The following PHLPP1 variants were observed in gnomAD, a reference collection of about 807,000 sequenced individuals.
PHLPP1 encodes the protein PH domain and leucine rich repeat protein phosphatase 1.
PHLPP1 carries 42 observed loss-of-function variants against 117.2 expected under a neutral mutation model. That is an observed-to-expected ratio of 0.36 (90% CI 0.28 to 0.46). The LOEUF is 0.46. Ranked by LOEUF, PHLPP1 falls within the 20% of genes least tolerant of loss-of-function variation. The probability of loss-of-function intolerance (pLI) is 1.00; values close to 1 mark genes in which losing one functional copy is unlikely to be tolerated. For synonymous variants in PHLPP1, 1,042 were observed against 970.7 expected (o/e 1.07, Z -1.37); for missense variants, 2,084 against 2,241.9 (o/e 0.93, Z 1.42).
intron 3 of PHLPP1, among the ~76,000 whole-genome samples, chr18:62,849,485 A>G (rs1053926959): frequency 1.6e-4 from 25 of 151,666 alleles, no homozygotes; most frequent in Non-Finnish European, 2.8e-4. Context: ...ACATGGTGAA[A>G]CCCCATCTCT....
chr18:62,828,991 G>T (rs1256739656), intron 1 of PHLPP1, among the ~76,000 whole-genome samples: 1 of 152,152 alleles, frequency 6.6e-6, no homozygotes, highest in Non-Finnish European at 1.5e-5. Context: ...AATCACAGTA[G>T]TTCTCCCATT....
chr18:62,932,709 A>T (rs895615688), intron 10 of PHLPP1, among the ~76,000 whole-genome samples: 1 of 152,206 alleles, frequency 6.6e-6, no homozygotes, highest in Non-Finnish European at 1.5e-5. Flanking sequence ...CTGGAACAAG[A>T]CAAGTATGCC....
At position 62,716,767 on chromosome 18, in the gene PHLPP1, C is replaced by G; in HGVS notation, c.1084C>G (p.Arg362Gly). ...TCCCAGCGCCGAGAGCGTGTCTGAC[C>G]GGTTGGACCCCTACAGCAGCGGCGG... Reference protein sequence around the residue: ...LSPSAESVSDRLDPYSSGGGS... With the variant: ...LSPSAESVSDGLDPYSSGGGS... The change falls in exon 1 of 17, where the codon CGG (arginine) becomes GGG (glycine). Residue 362 changes from arginine to glycine, a missense_variant. Around this residue, in one of 2 missense-constraint regions of PHLPP1, gnomAD observed 719 missense variants for 636.0 expected, o/e 1.13. Coordinates refer to ENST00000262719, the MANE Select transcript of PHLPP1 (RefSeq NM_194449.4). The surrounding 1 kb of genome is among the most constrained non-coding windows in gnomAD (Gnocchi z 5.7). The G allele has an allele frequency of 6.6e-7, 1 of 1,524,052 alleles. No homozygotes were observed. The allele number at this position is 1,524,052 out of a possible 1,614,324, so 94.4% of individuals were successfully genotyped here.
chr18:62,741,805 CAG>C (rs1375273253), intron 1 of PHLPP1, among the ~76,000 whole-genome samples: 1 of 151,118 alleles, frequency 6.6e-6, no homozygotes, highest in East Asian at 1.9e-4. Context: ...AATAGGGAAA[CAG>C]TGTGTTTGAA....
intron 1 of PHLPP1, among the ~76,000 whole-genome samples, chr18:62,729,029 A>G (rs1402672966): frequency 6.6e-6 from 1 of 152,124 alleles, no homozygotes; most frequent in African/African-American, 2.4e-5. Flanking sequence ...AATCGTACCC[A>G]TGGTACGTTA....
At chr18:62,804,010 A>C (rs1229708470) in intron 1 of PHLPP1, among the ~76,000 whole-genome samples, 2 of 152,306 alleles carry the variant, frequency 1.3e-5, no homozygotes, top group East Asian at 3.9e-4. Context: ...ACTGCTATAA[A>C]GAACTGCCTG....
intron 1 of PHLPP1, among the ~76,000 whole-genome samples, chr18:62,743,601 A>G (rs147352941): frequency 8.7e-4 from 133 of 152,148 alleles, no homozygotes; most frequent in African/African-American, 2.5e-3. Context: ...ACTAATTCCT[A>G]TTTTTCAGCA....
intron 1 of PHLPP1, among the ~76,000 whole-genome samples, chr18:62,789,308 G>A (rs187418476): frequency 2.0e-5 from 3 of 150,970 alleles, no homozygotes; most frequent in East Asian, 2.0e-4. Flanking sequence ...TAAAAGAATC[G>A]TTGCTTGAAA....
chr18:62,795,165 C>T (rs4941154), intron 1 of PHLPP1, among the ~76,000 whole-genome samples: 9,429 of 152,074 alleles, frequency 0.062, 506 homozygotes, highest in East Asian at 0.18. Flanking sequence ...TTACAACCCT[C>T]TAAATTTTTT....
chr18:62,969,812 G>T (rs1032958590), intron 14 of PHLPP1, among the ~76,000 whole-genome samples: 3 of 152,066 alleles, frequency 2.0e-5, no homozygotes, highest in Non-Finnish European at 2.9e-5. Context: ...TGTTAGCATG[G>T]TATACCTTTT....
chr18:62,938,994 C>CTTTCTTTCTTTCTTT (rs368316862), intron 10 of PHLPP1, among the ~76,000 whole-genome samples: 2 of 128,680 alleles, frequency 1.6e-5, no homozygotes, highest in African/African-American at 5.9e-5. Flanking sequence ...TTCTTTCTTT[C>CTTTCTTTCTTTCTTT]TTTTTTTTTT....
At chr18:62,922,650 G>A (rs1419016522) in intron 10 of PHLPP1, among the ~76,000 whole-genome samples, 1 of 152,188 alleles carries the variant, frequency 6.6e-6, no homozygotes, top group Non-Finnish European at 1.5e-5. Context: ...TTAGGAGCCT[G>A]AATGAAATAA....
intron 3 of PHLPP1, among the ~76,000 whole-genome samples, chr18:62,846,701 G>A (rs1045457980): frequency 2.0e-5 from 3 of 152,128 alleles, no homozygotes; most frequent in African/African-American, 7.2e-5. Flanking sequence ...TTACATTATG[G>A]AATCTTTGTT....
intron 4 of PHLPP1, among the ~76,000 whole-genome samples, chr18:62,865,466 A>G (rs1226035828): frequency 6.6e-6 from 1 of 152,186 alleles, no homozygotes; most frequent in Non-Finnish European, 1.5e-5. Flanking sequence ...ACTATCATCA[A>G]TCAGTGTGTT....
At chr18:62,808,299 T>G (rs147469897) in intron 1 of PHLPP1, among the ~76,000 whole-genome samples, 14 of 152,174 alleles carry the variant, frequency 9.2e-5, no homozygotes, top group African/African-American at 3.1e-4. Context: ...TGAAGAAGAC[T>G]GGGCTGGAGA....
At chr18:62,725,079 C>A (rs1428542447) in intron 1 of PHLPP1, among the ~76,000 whole-genome samples, 1 of 152,110 alleles carries the variant, frequency 6.6e-6, no homozygotes, top group Non-Finnish European at 1.5e-5. Context: ...TGTGTGTTGG[C>A]TGTGTGCGGT....
chr18:62,715,814 C>T lies in PHLPP1; in HGVS notation c.131C>T (p.Ala44Val). 1.3e-6 allele frequency: 1 copy of T among 746,102 alleles called. No individual in the cohort carries two copies. Among genetic ancestry groups the T allele is most frequent in the Non-Finnish European group, 1.6e-6 (1 of 607,718 alleles). 46.2% of individuals were successfully genotyped at this position (746,102 alleles called of 1,614,324 possible). A position where few individuals can be genotyped will look rare whatever the true frequency, so the allele number is the denominator to read the frequency against. The change falls in exon 1 of 17, where the codon GCG (alanine) becomes GTG (valine). Residue 44 changes from alanine (A) to valine (V), a missense_variant. Coordinates refer to ENST00000262719, the MANE Select transcript of PHLPP1 (RefSeq NM_194449.4). ...GCGGCCGCGGCGGCTCTGGCGGCGG[C>T]GGCCGGGGGCGGCCGGAGTCCGGAG... ...AAAAAAALAA[A>V]AGGGRSPEPA...
At chr18:62,963,911 T>TC (rs1910835091) in intron 14 of PHLPP1, among the ~76,000 whole-genome samples, 1 of 152,224 alleles carries the variant, frequency 6.6e-6, no homozygotes, top group East Asian at 1.9e-4. Context: ...GTTTTTACAA[T>TC]CTAAATTAGC....
At chr18:62,916,744 A>ATTAT (rs1909290526) in intron 9 of PHLPP1, among the ~76,000 whole-genome samples, 2 of 93,742 alleles carry the variant, frequency 2.1e-5, no homozygotes, top group East Asian at 3.3e-4. Flanking sequence ...CTTTCCTTCT[A>ATTAT]TTCTTTTTTT....
Sources: allele counts gnomAD v4.1 joint callset (sites outside exome capture counted in the v4.1 genomes callset), GRCh38; gene constraint gnomAD v4.1.1; regional missense constraint gnomAD v4.1.1; non-coding constraint Gnocchi (gnomAD v3.1); transcripts MANE v1.5; gene names NCBI Gene and HGNC (gene_info 2026-07-23, HGNC 2026-07-21).